The following MPDZ variants were observed in gnomAD, a reference collection of about 807,000 sequenced individuals.
MPDZ encodes multiple PDZ domain crumbs cell polarity complex component.
MPDZ carries 234 observed loss-of-function variants against 239.1 expected under a neutral mutation model. The ratio of observed to expected loss-of-function variants is 0.98; its 90% CI spans 0.88 to 1.09. The LOEUF (loss-of-function observed/expected upper bound fraction) is 1.09, where lower values mean the gene tolerates loss of function less well. MPDZ is among the 50% of genes least tolerant of loss of function. The pLI is 0.00. For synonymous variants in MPDZ, 1,048 were observed against 881.3 expected (o/e 1.19, Z -3.35); for missense variants, 3,175 against 2,510.0 (o/e 1.26, Z -5.66).
At chr9:13,107,602 A>G (rs13287895) in intron 46 of MPDZ, among the ~76,000 whole-genome samples, 50,138 of 152,028 alleles carry the variant, frequency 0.33, 8,582 homozygotes, top group Non-Finnish European at 0.34. Context: ...CTATGGCAGG[A>G]TAAGGCATAA....
Position 13,219,573 on chromosome 9 carries a change from T to C in MPDZ, c.1072A>G (p.Thr358Ala), listed in dbSNP as rs772288591. ...GITLSSSPTS[T>A]PELRVDASTQ... is the part of the protein sequence containing the mutation. ...TAACTACTTACCCGCAACTCTGGTG[T>C]TGAAGTTGGGGATGAGGAGAGGGTG... Residue 358 changes from threonine to alanine, a missense_variant, in exon 8 of 47, where the codon ACA becomes GCA. Coordinates refer to ENST00000319217, the MANE Select transcript of MPDZ (RefSeq NM_001378778.1). The C allele has an allele frequency of 9.3e-6, 15 of 1,611,786 alleles. 1 individual carries two copies. The highest frequency in any genetic ancestry group is 1.6e-4 in the Middle Eastern group (1 of 6,066).
intron 24 of MPDZ, 129 bp downstream of exon 24, chr9:13,157,889 G>C: frequency 2.7e-6 from 2 of 732,996 alleles, no homozygotes; most frequent in Non-Finnish European, 4.8e-6. Context: ...AAAATGATGG[G>C]TTAGAAGTAT....
chr9:13,121,320 T>G (rs1028225973), intron 38 of MPDZ, among the ~76,000 whole-genome samples: 2 of 152,182 alleles, frequency 1.3e-5, no homozygotes, highest in African/African-American at 2.4e-5. Flanking sequence ...GGTCACTTGG[T>G]CCCTTTCTCC....
intron 27 of MPDZ, among the ~76,000 whole-genome samples, chr9:13,142,606 C>T (rs576566500): frequency 4.7e-4 from 71 of 152,164 alleles, no homozygotes; most frequent in African/African-American, 1.6e-3. Context: ...CACCCACATA[C>T]GAAAATTCCA....
intron 21 of MPDZ, 91 bp from the exon 22 acceptor site, chr9:13,168,655 TA>T (rs903358189): frequency 3.0e-6 from 3 of 1,009,764 alleles, no homozygotes; most frequent in Admixed American, 2.9e-5. Flanking sequence ...ATTTATAGAT[TA>T]AAAAATACAA....
chr9:13,190,570 A>G (rs1291011671), intron 15 of MPDZ, among the ~76,000 whole-genome samples: 1 of 152,184 alleles, frequency 6.6e-6, no homozygotes, highest in Admixed American at 6.6e-5. Flanking sequence ...CGACAGCAGG[A>G]TTGTGCGTGA....
At position 13,150,652 on chromosome 9, in the gene MPDZ, G is replaced by A. The variant is rs200408315; in HGVS notation, c.3489C>T (p.Gly1163=). Reference sequence around the variant, plus strand: ...TCCCTCGTCCACCAACAATGCTGATGCCTAAGGATTTGCTTGGTTCTCTCC... The same window carrying A: ...TCCCTCGTCCACCAACAATGCTGATACCTAAGGATTTGCTTGGTTCTCTCC... ...ELWREPSKSL[G]ISIVGGRGMG... Residue 1163 remains glycine, a synonymous_variant, in exon 25 of 47, where the codon GGC becomes GGT. Transcript: ENST00000319217. The A allele has an allele frequency of 2.0e-6, 3 of 1,469,264 alleles. No individual in the cohort carries two copies. The highest frequency in any genetic ancestry group is 2.7e-6 in the Non-Finnish European group (3 of 1,104,470). The allele number at this position is 1,469,264 out of a possible 1,614,324, so 91.0% of individuals were successfully genotyped here.
intron 3 of MPDZ, among the ~76,000 whole-genome samples, chr9:13,243,467 T>G (rs537107007): frequency 1.3e-5 from 2 of 152,156 alleles, no homozygotes; most frequent in South Asian, 2.1e-4. Flanking sequence ...TTTTTTTTGG[T>G]CTTTGTTTAG....
intron 45 of MPDZ, among the ~76,000 whole-genome samples, chr9:13,109,498 G>A (rs1347050145): frequency 1.3e-5 from 2 of 152,104 alleles, no homozygotes. Context: ...AATTTCTAAT[G>A]CGCCTCTCTC....
chr9:13,222,292 T>C lies in MPDZ; in HGVS notation c.688A>G (p.Ser230Gly), dbSNP rs781311147. The change falls in exon 6 of 47, where the codon AGC becomes GGC. Residue 230 changes from serine (S) to glycine (G), a missense_variant. Ser to Gly is a moderately conservative substitution (Grantham distance 56, BLOSUM62 0). Transcript: ENST00000319217. Reference protein sequence around the residue: ...IARGSLPQLVSPIVSRSPSAA... With the variant: ...IARGSLPQLVGPIVSRSPSAA... ...GATGGAGAACGGGAAACTATGGGGC[T>C]GACAAGCTGAGGCAATGAGCCTCTG... 2.5e-6 allele frequency: 4 copies of C among 1,612,906 alleles called. No homozygotes were observed. Among genetic ancestry groups the C allele is most frequent in the Non-Finnish European group, 3.4e-6 (4 of 1,179,264 alleles).
intron 18 of MPDZ, among the ~76,000 whole-genome samples, chr9:13,184,189 A>T (rs1197089187): frequency 1.3e-5 from 2 of 152,004 alleles, no homozygotes; most frequent in African/African-American, 4.8e-5. Flanking sequence ...TTGTAAGAAA[A>T]CTCATAAAGA....
chr9:13,142,522 G>A (rs1461908489), intron 27 of MPDZ, among the ~76,000 whole-genome samples: 2 of 152,070 alleles, frequency 1.3e-5, no homozygotes, highest in East Asian at 1.9e-4. Context: ...CAAAAATGCA[G>A]TGTATACTTG....
intron 3 of MPDZ, among the ~76,000 whole-genome samples, chr9:13,230,093 G>T (rs554455541): frequency 6.6e-6 from 1 of 152,146 alleles, no homozygotes; most frequent in South Asian, 2.1e-4. Context: ...AAGAAATTTA[G>T]CATCATTAGC....
intron 2 of MPDZ, among the ~76,000 whole-genome samples, chr9:13,249,224 T>C (rs558064338): frequency 6.6e-6 from 1 of 152,024 alleles, no homozygotes; most frequent in African/African-American, 2.4e-5. Flanking sequence ...CTGTTATATG[T>C]CCCATGTTAT....
intron 1 of MPDZ, among the ~76,000 whole-genome samples, chr9:13,266,269 G>C (rs1391386875): frequency 6.6e-6 from 1 of 152,136 alleles, no homozygotes; most frequent in Non-Finnish European, 1.5e-5. Context: ...TTTCTCATCG[G>C]AAGTCCTCTG....
At position 13,221,519 on chromosome 9, in the gene MPDZ, T is replaced by C. The variant is rs766439238; in HGVS notation, c.748-19A>G. On this transcript the variant is annotated intron_variant, in intron 6 of 46. Coordinates refer to ENST00000319217, the MANE Select transcript of MPDZ (RefSeq NM_001378778.1). ...AGTGAACCTACAAACAAAGCTCATA[T>C]ATGAATTTGTAGAAATTTACAAAGC... The C allele has an allele frequency of 8.7e-6, 14 of 1,601,900 alleles. No individual in the cohort carries two copies. The highest frequency in any genetic ancestry group is 1.2e-5 in the Non-Finnish European group (14 of 1,174,072).
At chr9:13,175,316 T>C (rs1356300373) in intron 21 of MPDZ, among the ~76,000 whole-genome samples, 1 of 152,226 alleles carries the variant, frequency 6.6e-6, no homozygotes, top group Non-Finnish European at 1.5e-5. Flanking sequence ...CACCTGGTTG[T>C]CTTTTTAGTC....
At chr9:13,250,234 T>C in intron 2 of MPDZ, 66 bp downstream of exon 2, 13 of 1,466,710 alleles carry the variant, frequency 8.9e-6, no homozygotes, top group Non-Finnish European at 1.2e-5. Flanking sequence ...ACACAACATA[T>C]GTCAAAAATC....
intron 21 of MPDZ, among the ~76,000 whole-genome samples, chr9:13,174,287 T>A (rs1243795422): frequency 6.6e-6 from 1 of 152,172 alleles, no homozygotes; most frequent in Admixed American, 6.5e-5. Context: ...GTCAATTAGC[T>A]TACTCTCTTA....
Sources: gnomAD v4.1 joint callset for allele counts (sites outside exome capture counted in the v4.1 genomes callset) on GRCh38, gnomAD v4.1.1 for gene constraint, MANE v1.5 for transcripts, NCBI Gene and HGNC (gene_info 2026-07-23, HGNC 2026-07-21) for gene names.